Variants in ANAPC10 observed in about 807,000 individuals in gnomAD.
The protein encoded by ANAPC10 is anaphase-promoting complex subunit 10.
Under a neutral mutation model 22.0 loss-of-function variants are expected in ANAPC10, and 12 were observed. That is an observed-to-expected ratio of 0.55 (90% confidence interval 0.35 to 0.88). The LOEUF (loss-of-function observed/expected upper bound fraction) is 0.88, where lower values mean the gene tolerates loss of function less well. Ranked by LOEUF, ANAPC10 falls within the 40% of genes least tolerant of loss-of-function variation. The pLI is 0.01. For synonymous variants in ANAPC10, 65 were observed against 69.5 expected (o/e 0.94, Z 0.32); for missense variants, 188 against 220.9 (o/e 0.85, Z 0.94).
intron 4 of ANAPC10, among the ~76,000 whole-genome samples, chr4:145,026,357 T>C (rs370917823): frequency 4.9e-4 from 74 of 152,182 alleles, no homozygotes; most frequent in Middle Eastern, 3.4e-3. Flanking sequence ...GTAAGTGATG[T>C]TCTAGTAATA....
At chr4:145,074,726 T>C (rs974089841) in intron 3 of ANAPC10, among the ~76,000 whole-genome samples, 1 of 152,138 alleles carries the variant, frequency 6.6e-6, no homozygotes, top group Non-Finnish European at 1.5e-5. Flanking sequence ...TACAAATAAA[T>C]AACCAGGTTC....
At chr4:145,052,520 AT>A (rs1741273716) in intron 4 of ANAPC10, among the ~76,000 whole-genome samples, 1 of 152,170 alleles carries the variant, frequency 6.6e-6, no homozygotes, top group Non-Finnish European at 1.5e-5. Context: ...ATAAAATAGT[AT>A]TTTTGTTGTT....
intron 4 of ANAPC10, among the ~76,000 whole-genome samples, chr4:145,014,251 C>T (rs1035376056): frequency 6.6e-6 from 1 of 152,044 alleles, no homozygotes; most frequent in Non-Finnish European, 1.5e-5. Context: ...TGGTGGGGGG[C>T]ACAGTGTGAG....
At chr4:145,027,109 T>C (rs1441070995) in intron 4 of ANAPC10, among the ~76,000 whole-genome samples, 2 of 141,648 alleles carry the variant, frequency 1.4e-5, no homozygotes, top group Non-Finnish European at 3.0e-5. Context: ...GTTCAAGCAA[T>C]TCTCATGCCT....
chr4:145,068,334 A>C (rs1170025842), intron 3 of ANAPC10, among the ~76,000 whole-genome samples: 1 of 152,198 alleles, frequency 6.6e-6, no homozygotes. Context: ...ACAGAGCCAG[A>C]ATTTAATCCA....
At chr4:145,002,014 G>A (rs1732645916) in intron 4 of ANAPC10, among the ~76,000 whole-genome samples, 1 of 152,084 alleles carries the variant, frequency 6.6e-6, no homozygotes, top group Admixed American at 6.6e-5. Flanking sequence ...ATAAAAGAAG[G>A]AAGGAAAAAC....
chr4:145,053,827 A>G lies in ANAPC10; in HGVS notation c.327+10745T>C, dbSNP rs559448339. The G allele has an allele frequency of 5.7e-5, 33 of 581,684 alleles. 1 individual carries two copies. The South Asian group carries it at 6.8e-4, about 12-fold the overall frequency. The allele number at this position is 581,684 out of a possible 1,614,324, so 36.0% of individuals were successfully genotyped here. A position where few individuals can be genotyped will look rare whatever the true frequency, so the allele number is the denominator to read the frequency against. On this transcript the variant is annotated intron_variant, in intron 4 of 4. Coordinates refer to ENST00000507656, the MANE Select transcript of ANAPC10 (RefSeq NM_001256706.2). ...TGACTAGGCTCACCTCTATTAAGAT[A>G]TACTTTTAAATTATGATAAAATGCT... is the stretch of plus-strand genomic sequence containing the variant.
rs991187134 is a variant in ANAPC10 at position 145,086,978 on chromosome 4, C to T, written c.116-5228G>A. Among the ~76,000 whole-genome samples the T allele has an allele frequency of 2.3e-4, 35 of 151,876 alleles. No individual in the cohort carries two copies. In the East Asian group the frequency reaches 3.5e-3, roughly 15 times the overall value. On this transcript the variant is annotated intron_variant, in intron 2 of 4. Coordinates refer to ENST00000507656, the MANE Select transcript of ANAPC10 (RefSeq NM_001256706.2). Reference sequence around the variant, plus strand: ...TACGATTCTGCACTCCAGTCAATAACGGGGCTAAATCATGACTTACTTCAG... The same window carrying T: ...TACGATTCTGCACTCCAGTCAATAATGGGGCTAAATCATGACTTACTTCAG...
chr4:145,085,379 G>A (rs1326664997), intron 2 of ANAPC10, among the ~76,000 whole-genome samples: 4 of 151,582 alleles, frequency 2.6e-5, no homozygotes, highest in African/African-American at 4.8e-5. Flanking sequence ...ACTAAATCAC[G>A]ATTCTTCCGT....
chr4:144,995,328 G>C lies in ANAPC10; in HGVS notation c.*45C>G. 7.8e-7 allele frequency: 1 copy of C among 1,276,500 alleles called. No homozygotes were observed. The highest frequency in any genetic ancestry group is 1.5e-5 in the African/African-American group (1 of 67,800). The allele number at this position is 1,276,500 out of a possible 1,614,324, so 79.1% of individuals were successfully genotyped here. A position where few individuals can be genotyped will look rare whatever the true frequency, so the allele number is the denominator to read the frequency against. The stretch of plus-strand genomic sequence containing the variant: ...GTACATGATATATTATTTAAATACA[G>C]GATAAAACAAAGATACGTTTAATGA... On this transcript the variant is annotated 3_prime_UTR_variant, in exon 5 of 5. Coordinates refer to ENST00000507656, the MANE Select transcript of ANAPC10 (RefSeq NM_001256706.2).
chr4:145,054,400 T>C (rs1039699650), intron 4 of ANAPC10, among the ~76,000 whole-genome samples: 2 of 149,412 alleles, frequency 1.3e-5, no homozygotes, highest in African/African-American at 4.9e-5. Flanking sequence ...AAAAAAAATA[T>C]ACAAAAAATT....
Position 145,064,597 on chromosome 4 carries a change from T to C in ANAPC10, c.302A>G (p.Asn101Ser). 6.2e-7 allele frequency: 1 copy of C among 1,607,048 alleles called. No homozygotes were observed. The highest frequency in any genetic ancestry group is 8.5e-7 in the Non-Finnish European group (1 of 1,176,712). Residue 101 changes from asparagine (N) to serine (S), a missense_variant, in exon 4 of 5, where the codon AAT becomes AGT. By Grantham distance (46) the Asn-to-Ser change is conservative. Coordinates refer to ENST00000507656, the MANE Select transcript of ANAPC10 (RefSeq NM_001256706.2). ...PSKISVRVGN[N>S]FHNLQEIRQL... is the part of the protein sequence containing the mutation. ...CCGAATTTCTTGAAGGTTGTGAAAA[T>C]TATTTCCTACTCTGACTGAGATCTT...
intron 4 of ANAPC10, among the ~76,000 whole-genome samples, chr4:145,049,849 T>C (rs1414395802): frequency 1.3e-5 from 2 of 152,138 alleles, no homozygotes; most frequent in Non-Finnish European, 2.9e-5. Context: ...GCTCCCAAAA[T>C]GCACCTGACC....
At chr4:145,070,602 T>G (rs189933955) in intron 3 of ANAPC10, among the ~76,000 whole-genome samples, 11 of 152,274 alleles carry the variant, frequency 7.2e-5, no homozygotes, top group Non-Finnish European at 1.5e-4. Flanking sequence ...CTCAAAAACT[T>G]AAACATAGAA....
chr4:145,030,568 G>C (rs1737408775), intron 4 of ANAPC10, among the ~76,000 whole-genome samples: 1 of 152,130 alleles, frequency 6.6e-6, no homozygotes, highest in African/African-American at 2.4e-5. Context: ...GTAATTAATG[G>C]AGTTTTAGCT....
chr4:145,094,681 G>GA, intron 2 of ANAPC10, among the ~76,000 whole-genome samples: 1 of 152,022 alleles, frequency 6.6e-6, no homozygotes, highest in African/African-American at 2.4e-5. Context: ...GTCTGCAGGT[G>GA]AAAACTGCCT....
At chr4:145,070,703 A>G (rs1021905694) in intron 3 of ANAPC10, among the ~76,000 whole-genome samples, 1 of 152,262 alleles carries the variant, frequency 6.6e-6, no homozygotes, top group Non-Finnish European at 1.5e-5. Flanking sequence ...ACCAATGTTC[A>G]TAACAGTATT....
At chr4:145,035,178 C>T (rs1249440784) in intron 4 of ANAPC10, 1 of 152,220 alleles carries the variant, frequency 6.6e-6, no homozygotes, top group Non-Finnish European at 1.5e-5. Flanking sequence ...CCACTAATCA[C>T]CAGAGTTGAT....
chr4:145,081,589 TTA>T (rs1746019950), intron 3 of ANAPC10, 69 bp downstream of exon 3: 1 of 980,048 alleles, frequency 1.0e-6, no homozygotes, highest in Non-Finnish European at 1.5e-6. Context: ...TCTTTAATTT[TTA>T]TGTTAATAAA....
Sources: allele counts gnomAD v4.1 joint callset (sites outside exome capture counted in the v4.1 genomes callset), GRCh38; gene constraint gnomAD v4.1.1; transcripts MANE v1.5; gene names NCBI Gene and HGNC (gene_info 2026-07-23, HGNC 2026-07-21).